INSM1: variants seen among roughly 807,000 people sequenced by gnomAD.
INSM1 encodes insulinoma-associated protein 1.
A neutral mutation model predicts 21.1 loss-of-function variants in INSM1; 11 were observed. That is an observed-to-expected ratio of 0.52 (90% confidence interval 0.33 to 0.86). INSM1 has a LOEUF of 0.86. Ranked by LOEUF, INSM1 falls within the 40% of genes least tolerant of loss-of-function variation. The pLI, the probability that INSM1 is intolerant of heterozygous loss-of-function variation, is 0.03. For missense variants in INSM1, 843 were observed against 760.1 expected, an observed-to-expected ratio of 1.11 and a Z score of -1.28; for synonymous variants, 473 against 386.1, an observed-to-expected ratio of 1.23 and a Z score of -2.64.
chr20:20,368,721 G>A lies in INSM1; in HGVS notation c.454G>A (p.Gly152Ser). The A allele has an allele frequency of 8.3e-7, 1 of 1,202,668 alleles. No individual in the cohort carries two copies. Among genetic ancestry groups the A allele is most frequent in the Non-Finnish European group, 1.0e-6 (1 of 958,096 alleles). The allele number at this position is 1,202,668 out of a possible 1,614,324, so 74.5% of individuals were successfully genotyped here. ...CGGCGGCGCGAGCGGAGCTGGCGGA[G>A]GCGGCACCTGCGGCGGCGACCCGCT... ...GGGGASGAGG[G>S]GTCGGDPLLF... The change falls in exon 1 of 1, where the codon GGC (glycine) becomes AGC (serine). Residue 152 changes from glycine to serine, a missense_variant. Gly to Ser is a moderately conservative substitution (Grantham distance 56). Coordinates refer to ENST00000310227, the MANE Select transcript of INSM1 (RefSeq NM_002196.3). The surrounding 1 kb of genome is among the most constrained non-coding windows in gnomAD (Gnocchi z 4.3).
chr20:20,370,294 G>A lies in INSM1; in HGVS notation c.*494G>A, dbSNP rs1458898353. 2 of 168,538 alleles carry A rather than the reference G, an allele frequency of 1.2e-5. No homozygotes were observed. Among genetic ancestry groups the A allele is most frequent in the Admixed American group, 1.3e-4 (2 of 15,342 alleles). 10.4% of individuals were successfully genotyped at this position (168,538 alleles called of 1,614,324 possible). A position where few individuals can be genotyped will look rare whatever the true frequency, so the allele number is the denominator to read the frequency against. On this transcript the variant is annotated 3_prime_UTR_variant, in exon 1 of 1. Transcript: ENST00000310227. ...AGGCTGTAAATTGAACTTCCCACAC[G>A]ATTAGCTTTATTATGGCTTGTGAAC...
Position 20,369,690 on chromosome 20 carries a change from C to T in INSM1, c.1423C>T (p.Pro475Ser). Residue 475 changes from proline to serine, a missense_variant, in exon 1 of 1, where the codon CCG becomes TCG. Pro to Ser is a moderately conservative substitution (Grantham distance 74). Coordinates refer to ENST00000310227, the MANE Select transcript of INSM1 (RefSeq NM_002196.3). This position sits in a 1 kb window ranked among gnomAD's most constrained non-coding sequence, Gnocchi z 5.6. ...CCAGGTGTTCCCCTGCAAGTACTGCCCGGCCACCTTCTACAGCTCGCCCGG... is the reference window on the plus strand; with the variant it reads ...CCAGGTGTTCCCCTGCAAGTACTGCTCGGCCACCTTCTACAGCTCGCCCGG... ...AAQVFPCKYCPATFYSSPGLT... is the reference protein window; with the variant it reads ...AAQVFPCKYCSATFYSSPGLT... 1.9e-6 allele frequency: 3 copies of T among 1,600,828 alleles called. No homozygotes were observed. The highest frequency in any genetic ancestry group is 2.5e-6 in the Non-Finnish European group (3 of 1,179,820).
chr20:20,369,024 CCGCGGGGCCG>C lies in INSM1; in HGVS notation c.765_774del (p.Arg256AlafsTer142). On this transcript the variant is annotated frameshift_variant, in exon 1 of 1. Transcript: ENST00000310227. LOFTEE classifies it high-confidence loss of function. The surrounding 1 kb of genome is among the most constrained non-coding windows in gnomAD (Gnocchi z 5.6). ...GATCAAGGAGGGCCCGGTGGAGGCG[CCGCGGGGCCG>C]CGCGGGGGGCGCGGCGCGGCCGCTG... The C allele has an allele frequency of 6.5e-7, 1 of 1,527,262 alleles. No homozygotes were observed. Among genetic ancestry groups the C allele is most frequent in the Non-Finnish European group, 8.8e-7 (1 of 1,142,014 alleles). 94.6% of individuals were successfully genotyped at this position (1,527,262 alleles called of 1,614,324 possible).
Position 20,368,251 on chromosome 20 carries a change from C to CCT in INSM1, c.-15_-14dup. ...AGGGGGGACCGAGCCAGTGCCGTGC[C>CCT]CTCGGGCCGCGCCAACATGCCCCGC... On this transcript the variant is annotated 5_prime_UTR_variant, in exon 1 of 1. Transcript: ENST00000310227. The surrounding 1 kb of genome is among the most constrained non-coding windows in gnomAD (Gnocchi z 4.3). 8.2e-7 allele frequency: 1 copy of CCT among 1,217,062 alleles called. No homozygotes were observed. The highest frequency in any genetic ancestry group is 2.0e-5 in the South Asian group (1 of 49,946). 75.4% of individuals were successfully genotyped at this position (1,217,062 alleles called of 1,614,324 possible).
Position 20,368,540 on chromosome 20 carries a change from C to CT in INSM1, c.273_274insT (p.Glu92Ter). On this transcript the variant is annotated frameshift_variant, in exon 1 of 1. Coordinates refer to ENST00000310227, the MANE Select transcript of INSM1 (RefSeq NM_002196.3). LOFTEE classifies it low-confidence loss of function (END_TRUNC). This position sits in a 1 kb window ranked among gnomAD's most constrained non-coding sequence, Gnocchi z 4.3. ...CGCGGGCCGCGCACTTCGGCAACCCCGAGGCTGCGCACCCCGCGCCGCTCT... is the reference window on the plus strand; with the variant it reads ...CGCGGGCCGCGCACTTCGGCAACCCCTGAGGCTGCGCACCCCGCGCCGCTCT... The CT allele has an allele frequency of 7.3e-7, 1 of 1,363,876 alleles. No homozygotes were observed. The highest frequency in any genetic ancestry group is 1.5e-5 in the South Asian group (1 of 65,638). 84.5% of individuals were successfully genotyped at this position (1,363,876 alleles called of 1,614,324 possible). A position where few individuals can be genotyped will look rare whatever the true frequency, so the allele number is the denominator to read the frequency against.
rs2059493442 is a variant in INSM1 at position 20,369,890 on chromosome 20, C to T, written c.*90C>T. 1 of 1,165,452 alleles carries T rather than the reference C, an allele frequency of 8.6e-7. No homozygotes were observed. The highest frequency in any genetic ancestry group is 2.8e-5 in the East Asian group (1 of 36,100). 72.2% of individuals were successfully genotyped at this position (1,165,452 alleles called of 1,614,324 possible). On this transcript the variant is annotated 3_prime_UTR_variant, in exon 1 of 1. Coordinates refer to ENST00000310227, the MANE Select transcript of INSM1 (RefSeq NM_002196.3). This position sits in a 1 kb window ranked among gnomAD's most constrained non-coding sequence, Gnocchi z 5.6. ...CCTGCACTCCCCGAACCCGAGTCCG[C>T]GCTGGGGGAGCCTCGCCCCCGCCCC...
In INSM1 at chr20:20,370,461, C is replaced by G. The variant is rs1031207320; in HGVS notation, c.*661C>G. On this transcript the variant is annotated 3_prime_UTR_variant, in exon 1 of 1. Coordinates refer to ENST00000310227, the MANE Select transcript of INSM1 (RefSeq NM_002196.3). Reference sequence around the variant, plus strand: ...GAGGGAAGGGAGTGTTCCGAAGATGCTGTAGTAACTGCCTCAGTGTTTCAC... The same window carrying G: ...GAGGGAAGGGAGTGTTCCGAAGATGGTGTAGTAACTGCCTCAGTGTTTCAC... 6.0e-6 allele frequency: 1 copy of G among 167,120 alleles called. No homozygotes were observed. Among genetic ancestry groups the G allele is most frequent in the African/African-American group, 2.4e-5 (1 of 41,452 alleles). The allele number at this position is 167,120 out of a possible 1,614,324, so 10.4% of individuals were successfully genotyped here.
chr20:20,368,488 C>A lies in INSM1; in HGVS notation c.221C>A (p.Pro74His). ...AALAAALACA[P>H]GPQPPPQGPR... ...CTCGCCGCCGCGCTTGCCTGCGCGC[C>A]TGGGCCGCAGCCACCCCCGCAGGGC... Residue 74 changes from proline (P) to histidine (H), a missense_variant, in exon 1 of 1, where the codon CCT becomes CAT. Pro to His is a moderately conservative substitution (Grantham distance 77). Transcript: ENST00000310227. This position sits in a 1 kb window ranked among gnomAD's most constrained non-coding sequence, Gnocchi z 4.3. 2 of 1,140,832 alleles carry A rather than the reference C, an allele frequency of 1.8e-6. No individual in the cohort carries two copies. Among genetic ancestry groups the A allele is most frequent in the Non-Finnish European group, 2.2e-6 (2 of 921,634 alleles). 70.7% of individuals were successfully genotyped at this position (1,140,832 alleles called of 1,614,324 possible).
At position 20,369,658 on chromosome 20, in the gene INSM1, A is replaced by G. The variant is rs745505871; in HGVS notation, c.1391A>G (p.His464Arg). The G allele has an allele frequency of 1.3e-5, 21 of 1,600,464 alleles. No individual in the cohort carries two copies. In the African/African-American group the frequency reaches 1.7e-4, roughly 13 times the overall value. The change falls in exon 1 of 1, where the codon CAC becomes CGC. Residue 464 changes from histidine to arginine, a missense_variant. By Grantham distance (29) the His-to-Arg change is conservative. Coordinates refer to ENST00000310227, the MANE Select transcript of INSM1 (RefSeq NM_002196.3). This position sits in a 1 kb window ranked among gnomAD's most constrained non-coding sequence, Gnocchi z 5.6. ...GAQERHLRLL[H>R]AAQVFPCKYC... ...CAGGAGCGCCACCTGCGCCTGCTGCACGCCGCCCAGGTGTTCCCCTGCAAG... is the reference window on the plus strand; with the variant it reads ...CAGGAGCGCCACCTGCGCCTGCTGCGCGCCGCCCAGGTGTTCCCCTGCAAG...
rs1032698462 is a variant in INSM1, at chr20:20,368,255, G to T, written c.-13G>T. ...GGGACCGAGCCAGTGCCGTGCCCTC[G>T]GGCCGCGCCAACATGCCCCGCGGCT... On this transcript the variant is annotated 5_prime_UTR_variant, in exon 1 of 1. Coordinates refer to ENST00000310227, the MANE Select transcript of INSM1 (RefSeq NM_002196.3). The surrounding 1 kb of genome is among the most constrained non-coding windows in gnomAD (Gnocchi z 4.3). 1 of 1,229,688 alleles carries T rather than the reference G, an allele frequency of 8.1e-7. No individual in the cohort carries two copies. The highest frequency in any genetic ancestry group is 1.9e-5 in the South Asian group (1 of 52,424). 76.2% of individuals were successfully genotyped at this position (1,229,688 alleles called of 1,614,324 possible). A position where few individuals can be genotyped will look rare whatever the true frequency, so the allele number is the denominator to read the frequency against.
Position 20,369,382 on chromosome 20 carries a change from G to A in INSM1, c.1115G>A (p.Cys372Tyr). 6.5e-7 allele frequency: 1 copy of A among 1,549,250 alleles called. No homozygotes were observed. Among genetic ancestry groups the A allele is most frequent in the Non-Finnish European group, 8.6e-7 (1 of 1,159,106 alleles). ...GACGGGCTCTACGAGTGCCATCACT[G>A]CGCCAAGAAGTTCCGCCGCCAGGCC... The part of the protein sequence containing the change: ...SEDGLYECHH[C>Y]AKKFRRQAYL... Residue 372 changes from cysteine (C) to tyrosine (Y), a missense_variant, in exon 1 of 1, where the codon TGC (cysteine) becomes TAC (tyrosine). Cys to Tyr is a radical substitution (Grantham distance 194). Transcript: ENST00000310227. This position sits in a 1 kb window ranked among gnomAD's most constrained non-coding sequence, Gnocchi z 5.6.
chr20:20,368,319 T>C lies in INSM1; in HGVS notation c.52T>C (p.Tyr18His), dbSNP rs1480004287. The C allele has an allele frequency of 7.7e-7, 1 of 1,304,104 alleles. No individual in the cohort carries two copies. The highest frequency in any genetic ancestry group is 9.9e-7 in the Non-Finnish European group (1 of 1,009,602). 80.8% of individuals were successfully genotyped at this position (1,304,104 alleles called of 1,614,324 possible). A position where few individuals can be genotyped will look rare whatever the true frequency, so the allele number is the denominator to read the frequency against. The part of the protein sequence containing the change: ...KRSKKSTPVS[Y>H]RVRGGEDGDR... ...CAGCAAGAAGTCCACGCCCGTTTCC[T>C]ACCGGGTCCGCGGCGGCGAGGACGG... Residue 18 changes from tyrosine to histidine, a missense_variant, in exon 1 of 1, where the codon TAC (tyrosine) becomes CAC (histidine). Physicochemically the swap from Tyr to His is moderately conservative, Grantham distance 83. Transcript: ENST00000310227. This position sits in a 1 kb window ranked among gnomAD's most constrained non-coding sequence, Gnocchi z 4.3.
rs1290340888 is a variant in INSM1 at position 20,369,945 on chromosome 20, C to T, written c.*145C>T. The T allele has an allele frequency of 6.5e-5, 45 of 695,884 alleles. No individual in the cohort carries two copies. Among genetic ancestry groups the T allele is most frequent in the Non-Finnish European group, 7.0e-5 (29 of 416,632 alleles). The allele number at this position is 695,884 out of a possible 1,614,324, so 43.1% of individuals were successfully genotyped here. ...GGGTGAAAGTGTCGTCTCCGCTTCT[C>T]TCGGTGTGGCGTGACGGTAACCCCA... On this transcript the variant is annotated 3_prime_UTR_variant, in exon 1 of 1. Coordinates refer to ENST00000310227, the MANE Select transcript of INSM1 (RefSeq NM_002196.3). The surrounding 1 kb of genome is among the most constrained non-coding windows in gnomAD (Gnocchi z 5.6).
chr20:20,369,988 C>T lies in INSM1; in HGVS notation c.*188C>T, dbSNP rs1004762164. The T allele has an allele frequency of 3.6e-6, 2 of 561,500 alleles. No homozygotes were observed. The highest frequency in any genetic ancestry group is 4.8e-4 in the Middle Eastern group (1 of 2,084). 34.8% of individuals were successfully genotyped at this position (561,500 alleles called of 1,614,324 possible). On this transcript the variant is annotated 3_prime_UTR_variant, in exon 1 of 1. Coordinates refer to ENST00000310227, the MANE Select transcript of INSM1 (RefSeq NM_002196.3). This position sits in a 1 kb window ranked among gnomAD's most constrained non-coding sequence, Gnocchi z 5.6. ...TAACCCCATACTCTCCTTTTGACTCCTTTTGGAACCCCCACTTTTACGTTG... is the reference window on the plus strand; with the variant it reads ...TAACCCCATACTCTCCTTTTGACTCTTTTTGGAACCCCCACTTTTACGTTG...
In INSM1 at chr20:20,368,858, C is replaced by T. The variant is rs1233860683; in HGVS notation, c.591C>T (p.Pro197=). 1 of 1,356,092 alleles carries T rather than the reference C, an allele frequency of 7.4e-7. No individual in the cohort carries two copies. The highest frequency in any genetic ancestry group is 3.2e-5 in the East Asian group (1 of 31,144). The allele number at this position is 1,356,092 out of a possible 1,614,324, so 84.0% of individuals were successfully genotyped here. A position where few individuals can be genotyped will look rare whatever the true frequency, so the allele number is the denominator to read the frequency against. Residue 197 remains proline (P), a synonymous_variant, in exon 1 of 1, where the codon CCC becomes CCT. Transcript: ENST00000310227. The surrounding 1 kb of genome is among the most constrained non-coding windows in gnomAD (Gnocchi z 4.3). The part of the protein sequence containing the change: ...PPLPPAAALR[P]PGKRPPPPTA... ...TGCCCCCTGCCGCCGCCCTGCGGCC[C>T]CCGGGAAAGCGGCCCCCGCCCCCTA...
rs759139506 is a variant in INSM1 at position 20,369,610 on chromosome 20, A to G, written c.1343A>G (p.Glu448Gly). ...AECHLCPVCG[E>G]SFASKGAQER... ...TGCCACCTGTGCCCAGTGTGCGGAG[A>G]GTCGTTCGCCAGCAAGGGCGCTCAG... Residue 448 changes from glutamate (E) to glycine (G), a missense_variant, in exon 1 of 1, where the codon GAG (glutamate) becomes GGG (glycine). Transcript: ENST00000310227. This position sits in a 1 kb window ranked among gnomAD's most constrained non-coding sequence, Gnocchi z 5.6. 1.2e-6 allele frequency: 2 copies of G among 1,600,588 alleles called. No homozygotes were observed. The highest frequency in any genetic ancestry group is 1.7e-6 in the Non-Finnish European group (2 of 1,179,632).
rs747327681 is a variant in INSM1, at chr20:20,369,606, G to A, written c.1339G>A (p.Gly447Arg). The A allele has an allele frequency of 1.9e-6, 3 of 1,600,624 alleles. No individual in the cohort carries two copies. Among genetic ancestry groups the A allele is most frequent in the Non-Finnish European group, 2.5e-6 (3 of 1,179,636 alleles). The change falls in exon 1 of 1, where the codon GGA becomes AGA. Residue 447 changes from glycine (G) to arginine (R), a missense_variant. Gly to Arg is a moderately radical substitution (Grantham distance 125). Coordinates refer to ENST00000310227, the MANE Select transcript of INSM1 (RefSeq NM_002196.3). This position sits in a 1 kb window ranked among gnomAD's most constrained non-coding sequence, Gnocchi z 5.6. ...SAECHLCPVC[G>R]ESFASKGAQE... ...CGAGTGCCACCTGTGCCCAGTGTGC[G>A]GAGAGTCGTTCGCCAGCAAGGGCGC...
chr20:20,368,892 G>A lies in INSM1; in HGVS notation c.625G>A (p.Glu209Lys). The A allele has an allele frequency of 1.4e-6, 2 of 1,471,662 alleles. No homozygotes were observed. The highest frequency in any genetic ancestry group is 1.8e-6 in the Non-Finnish European group (2 of 1,113,468). 91.2% of individuals were successfully genotyped at this position (1,471,662 alleles called of 1,614,324 possible). A position where few individuals can be genotyped will look rare whatever the true frequency, so the allele number is the denominator to read the frequency against. The change falls in exon 1 of 1, where the codon GAG becomes AAG. Residue 209 changes from glutamate (E) to lysine (K), a missense_variant. Coordinates refer to ENST00000310227, the MANE Select transcript of INSM1 (RefSeq NM_002196.3). This position sits in a 1 kb window ranked among gnomAD's most constrained non-coding sequence, Gnocchi z 4.3. ...GKRPPPPTAA[E>K]PPAKAVKAPG... ...GCGGCCCCCGCCCCCTACCGCCGCG[G>A]AGCCGCCCGCCAAGGCAGTCAAGGC...
chr20:20,368,901 G>C lies in INSM1; in HGVS notation c.634G>C (p.Ala212Pro). 1 of 1,491,082 alleles carries C rather than the reference G, an allele frequency of 6.7e-7. No homozygotes were observed. 92.4% of individuals were successfully genotyped at this position (1,491,082 alleles called of 1,614,324 possible). A position where few individuals can be genotyped will look rare whatever the true frequency, so the allele number is the denominator to read the frequency against. The change falls in exon 1 of 1, where the codon GCC becomes CCC. Residue 212 changes from alanine (A) to proline (P), a missense_variant. Physicochemically the swap from Ala to Pro is conservative, Grantham distance 27. Transcript: ENST00000310227. This position sits in a 1 kb window ranked among gnomAD's most constrained non-coding sequence, Gnocchi z 4.3. ...GCCCCCTACCGCCGCGGAGCCGCCCGCCAAGGCAGTCAAGGCCCCGGGCGC... is the reference window on the plus strand; with the variant it reads ...GCCCCCTACCGCCGCGGAGCCGCCCCCCAAGGCAGTCAAGGCCCCGGGCGC... Reference protein sequence around the residue: ...PPPPTAAEPPAKAVKAPGAKK... With the variant: ...PPPPTAAEPPPKAVKAPGAKK...
Sources: allele counts gnomAD v4.1 joint callset, GRCh38; gene constraint gnomAD v4.1.1; non-coding constraint Gnocchi (gnomAD v3.1); transcripts MANE v1.5; gene names NCBI Gene and HGNC (gene_info 2026-07-23, HGNC 2026-07-21).